Variants in SRRM4 observed in about 807,000 individuals in gnomAD.
SRRM4 encodes the protein serine/arginine repetitive matrix protein 4.
SRRM4 carries 33 observed loss-of-function variants against 68.9 expected under a neutral mutation model. The ratio of observed to expected loss-of-function variants is 0.48; its 90% confidence interval spans 0.36 to 0.64. The LOEUF (loss-of-function observed/expected upper bound fraction) is 0.64. Among genes scored for constraint, SRRM4 ranks in the 30% least tolerant of loss-of-function variants. The pLI, the probability that SRRM4 is intolerant of heterozygous loss-of-function variation, is 0.00. For synonymous variants in SRRM4, 318 were observed against 318.8 expected (o/e 1.00, Z 0.03); for missense variants, 817 against 827.1 (o/e 0.99, Z 0.15).
intron 1 of SRRM4, among the ~76,000 whole-genome samples, chr12:119,060,954 C>T (rs772794338): frequency 6.6e-6 from 1 of 152,180 alleles, no homozygotes; most frequent in Non-Finnish European, 1.5e-5. Context: ...AACGATACCA[C>T]GTCCCTTCCC....
At chr12:119,006,747 T>C (rs565036872) in intron 1 of SRRM4, among the ~76,000 whole-genome samples, 1 of 152,304 alleles carries the variant, frequency 6.6e-6, no homozygotes, top group African/African-American at 2.4e-5. Context: ...CAATGGGAAA[T>C]ACCACCACTG....
Position 119,153,575 on chromosome 12 carries a change from T to C in SRRM4, c.1317T>C (p.Ser439=), listed in dbSNP as rs1271656206. ...YSRSPSYSSK[S]GKRSPPSRSS... ...GCTCTCCCAGCTATTCCTCCAAGTC[T>C]GGCAAGAGGAGCCCGCCCAGCAGAA... The change falls in exon 11 of 13, where the codon TCT becomes TCC. Residue 439 remains serine, a synonymous_variant. Transcript: ENST00000267260. The C allele has an allele frequency of 2.5e-6, 4 of 1,576,800 alleles. No homozygotes were observed. The highest frequency in any genetic ancestry group is 3.4e-6 in the Non-Finnish European group (4 of 1,162,052).
rs143906596 is a variant in SRRM4, at chr12:119,029,808, G to C, written c.131+47795G>C. Among the ~76,000 whole-genome samples, 5 of 152,290 alleles carry C rather than the reference G, an allele frequency of 3.3e-5. No individual in the cohort carries two copies. The East Asian group carries it at 9.6e-4, about 29-fold the overall frequency. ...CAGATCCCCTTCTCCTCCAGGTAAT[G>C]GGAGCCTTGGATTAAATGCAGACAT... On this transcript the variant is annotated intron_variant, in intron 1 of 12. Transcript: ENST00000267260.
chr12:119,058,194 T>C (rs1026721196), intron 1 of SRRM4, among the ~76,000 whole-genome samples: 1 of 152,230 alleles, frequency 6.6e-6, no homozygotes. Flanking sequence ...CTGCTAGGTA[T>C]TATACATTTT....
chr12:119,071,900 G>C (rs1018228590), intron 1 of SRRM4, among the ~76,000 whole-genome samples: 16 of 152,336 alleles, frequency 1.1e-4, no homozygotes, highest in Admixed American at 2.0e-4. Context: ...AACCTAGTCA[G>C]TGTCTGGCAC....
chr12:119,156,742 AGGAGCCAGAGCC>A lies in SRRM4; in HGVS notation c.1786_1797del (p.Gln596_Ser599del). 6.5e-7 allele frequency: 1 copy of A among 1,546,046 alleles called. No individual in the cohort carries two copies. The highest frequency in any genetic ancestry group is 8.7e-7 in the Non-Finnish European group (1 of 1,146,058). Reference sequence around the variant, plus strand: ...CAGGAGCCGGAGCCGGAGCCGGAGCAGGAGCCAGAGCCGGAGCTACAGCTCAGCAGACAGCTA... The same window carrying A: ...CAGGAGCCGGAGCCGGAGCCGGAGCAGGAGCTACAGCTCAGCAGACAGCTA... On this transcript the variant is annotated inframe_deletion, in exon 13 of 13. Transcript: ENST00000267260.
At chr12:119,095,080 C>A (rs924422832) in intron 1 of SRRM4, among the ~76,000 whole-genome samples, 9 of 152,186 alleles carry the variant, frequency 5.9e-5, no homozygotes, top group Non-Finnish European at 1.2e-4. Context: ...GCCACAATGG[C>A]AAAGCTCAAA....
At chr12:119,058,677 TC>T (rs1953792109) in intron 1 of SRRM4, among the ~76,000 whole-genome samples, 2 of 152,078 alleles carry the variant, frequency 1.3e-5, no homozygotes, top group Admixed American at 6.6e-5. Flanking sequence ...AGAAATCTTT[TC>T]CCCCTCCCCA....
intron 1 of SRRM4, among the ~76,000 whole-genome samples, chr12:119,075,097 T>G (rs139277630): frequency 7.2e-5 from 11 of 152,224 alleles, no homozygotes; most frequent in African/African-American, 2.6e-4. Flanking sequence ...GTCTGATGGA[T>G]CAGGTGAAAG....
intron 1 of SRRM4, among the ~76,000 whole-genome samples, chr12:119,049,000 C>A (rs1594043740): frequency 6.6e-6 from 1 of 152,136 alleles, no homozygotes; most frequent in African/African-American, 2.4e-5. Flanking sequence ...TTATTGGATA[C>A]CTACTGTGTG....
At chr12:119,134,239 G>A (rs1474343656) in intron 8 of SRRM4, among the ~76,000 whole-genome samples, 1 of 151,990 alleles carries the variant, frequency 6.6e-6, no homozygotes, top group Non-Finnish European at 1.5e-5. Context: ...AATCTTAGTT[G>A]GTGAGCTAAA....
chr12:119,064,990 A>C (rs779433125), intron 1 of SRRM4, among the ~76,000 whole-genome samples: 15 of 152,218 alleles, frequency 9.9e-5, no homozygotes, highest in Non-Finnish European at 2.1e-4. Flanking sequence ...TGATTTGCTT[A>C]GCATTTAACT....
intron 1 of SRRM4, among the ~76,000 whole-genome samples, chr12:119,089,095 C>T (rs1205762061): frequency 6.6e-6 from 1 of 152,118 alleles, no homozygotes; most frequent in East Asian, 1.9e-4. Flanking sequence ...GTCCCTGCCC[C>T]TCATCAACAG....
At chr12:119,056,692 G>A (rs566074097) in intron 1 of SRRM4, among the ~76,000 whole-genome samples, 33 of 152,014 alleles carry the variant, frequency 2.2e-4, no homozygotes, top group African/African-American at 5.5e-4. Flanking sequence ...GTTCTCACTC[G>A]GCCTTCTTTT....
chr12:119,123,032 C>T (rs1954232614), intron 6 of SRRM4, among the ~76,000 whole-genome samples: 1 of 152,156 alleles, frequency 6.6e-6, no homozygotes, highest in Non-Finnish European at 1.5e-5. Context: ...ACTTTATATC[C>T]TGCAAATGTT....
intron 6 of SRRM4, among the ~76,000 whole-genome samples, chr12:119,123,208 TC>T (rs1954234136): frequency 6.6e-6 from 1 of 152,130 alleles, no homozygotes; most frequent in South Asian, 2.1e-4. Context: ...AACGGTCTTT[TC>T]ACCCAAGGTC....
chr12:119,156,877 G>A lies in SRRM4; in HGVS notation c.*79G>A. The A allele has an allele frequency of 6.9e-7, 1 of 1,445,582 alleles. No individual in the cohort carries two copies. Among genetic ancestry groups the A allele is most frequent in the Non-Finnish European group, 9.1e-7 (1 of 1,100,598 alleles). 89.5% of individuals were successfully genotyped at this position (1,445,582 alleles called of 1,614,324 possible). On this transcript the variant is annotated 3_prime_UTR_variant, in exon 13 of 13. Transcript: ENST00000267260. Reference sequence around the variant, plus strand: ...AACCACCTGCCCTCCCCGCCTTCTTGGTGACAAATAGTGAGGGCTCCTATA... The same window carrying A: ...AACCACCTGCCCTCCCCGCCTTCTTAGTGACAAATAGTGAGGGCTCCTATA...
At chr12:119,017,132 T>C (rs66694569) in intron 1 of SRRM4, among the ~76,000 whole-genome samples, 42,329 of 152,210 alleles carry the variant, frequency 0.28, 6,151 homozygotes, top group Non-Finnish European at 0.31. Context: ...ATAAATCCCC[T>C]GAGGTTGTTT....
Position 119,162,230 on chromosome 12 carries a change from T to A in SRRM4, c.*5432T>A, listed in dbSNP as rs1954518632. ...GGAAACAAAAAAGTAGGGCCTGGACTTCATTTGCAGAATGAGGTCATAGTC... is the reference window on the plus strand; with the variant it reads ...GGAAACAAAAAAGTAGGGCCTGGACATCATTTGCAGAATGAGGTCATAGTC... On this transcript the variant is annotated 3_prime_UTR_variant, in exon 13 of 13. Coordinates refer to ENST00000267260, the MANE Select transcript of SRRM4 (RefSeq NM_194286.4). The A allele has an allele frequency of 6.6e-6, 1 of 152,248 alleles. No homozygotes were observed. Among genetic ancestry groups the A allele is most frequent in the Admixed American group, 6.5e-5 (1 of 15,288 alleles). The allele number at this position is 152,248 out of a possible 1,614,324, so 9.4% of individuals were successfully genotyped here. A position where few individuals can be genotyped will look rare whatever the true frequency, so the allele number is the denominator to read the frequency against.
Sources: gnomAD v4.1 joint callset for allele counts (sites outside exome capture counted in the v4.1 genomes callset) on GRCh38, gnomAD v4.1.1 for gene constraint, MANE v1.5 for transcripts, NCBI Gene and HGNC (gene_info 2026-07-23, HGNC 2026-07-21) for gene names.